TMPRSS11E: variants seen among roughly 807,000 people sequenced by gnomAD.
TMPRSS11E encodes transmembrane protease serine 11E.
Under a neutral mutation model 48.1 loss-of-function variants are expected in TMPRSS11E, and 38 were observed. The observed-to-expected ratio is 0.79, with a 90% CI of 0.61 to 1.04. The LOEUF (loss-of-function observed/expected upper bound fraction) is 1.04. TMPRSS11E is among the 50% of genes least tolerant of loss of function. The probability of loss-of-function intolerance (pLI) is 0.00; values close to 1 mark genes in which losing one functional copy is unlikely to be tolerated. For synonymous variants in TMPRSS11E, 158 were observed against 171.9 expected, an observed-to-expected ratio of 0.92 and a Z score of 0.63; for missense variants, 530 against 510.8, an observed-to-expected ratio of 1.04 and a Z score of -0.36.
intron 9 of TMPRSS11E, among the ~76,000 whole-genome samples, chr4:68,480,323 A>G (rs1018883441): frequency 2.0e-5 from 3 of 150,402 alleles, no homozygotes; most frequent in African/African-American, 7.3e-5. Flanking sequence ...TTTTTTTTGC[A>G]CTCTAGTTTC....
chr4:68,456,447 T>C (rs568833285), intron 1 of TMPRSS11E, among the ~76,000 whole-genome samples: 43 of 152,126 alleles, frequency 2.8e-4, no homozygotes, highest in Middle Eastern at 6.8e-3. Flanking sequence ...AATTTGCTTG[T>C]ATTTCTTCTT....
At chr4:68,476,178 T>C (rs1279626125) in intron 6 of TMPRSS11E, 83 bp from the exon 7 acceptor site, 1 of 1,563,770 alleles carries the variant, frequency 6.4e-7, no homozygotes, top group Non-Finnish European at 8.8e-7. Flanking sequence ...AGAAGAAATA[T>C]GGGACATAGT....
chr4:68,479,785 C>T (rs539910131), intron 9 of TMPRSS11E, among the ~76,000 whole-genome samples: 73 of 152,012 alleles, frequency 4.8e-4, no homozygotes, highest in African/African-American at 1.7e-3. Flanking sequence ...TTCTTCTTTC[C>T]TCTTTCCTGA....
At position 68,471,470 on chromosome 4, in the gene TMPRSS11E, C is replaced by A; in HGVS notation, c.337C>A (p.His113Asn). Residue 113 changes from histidine to asparagine, a missense_variant, in exon 5 of 10, where the codon CAT becomes AAT. Transcript: ENST00000305363. The stretch of plus-strand genomic sequence containing the variant: ...TTTTTTGGCCCACAGTCAACAGAAG[C>A]ATGGAGTGTTGGCTCATATGCTGTT... ...SQVIKFSQQK[H>N]GVLAHMLLIC... is the part of the protein sequence containing the mutation. The A allele has an allele frequency of 7.2e-7, 1 of 1,384,442 alleles. No homozygotes were observed. The highest frequency in any genetic ancestry group is 1.3e-5 in the South Asian group (1 of 77,238). 85.8% of individuals were successfully genotyped at this position (1,384,442 alleles called of 1,614,324 possible).
intron 2 of TMPRSS11E, among the ~76,000 whole-genome samples, chr4:68,464,504 T>C (rs1174456784): frequency 6.6e-6 from 1 of 152,202 alleles, no homozygotes; most frequent in African/African-American, 2.4e-5. Flanking sequence ...AACTCATGTT[T>C]ATCCTTATTT....
At position 68,475,376 on chromosome 4, in the gene TMPRSS11E, TA is replaced by T. The variant is rs1343718405; in HGVS notation, c.529+616del. 2.6e-5 allele frequency among the ~76,000 whole-genome samples: 4 copies of T among 152,132 alleles called. 1 individual carries two copies. In the South Asian group the frequency reaches 8.3e-4, roughly 32 times the overall value. ...TGATTTACAGTATACATTCAATAGT[TA>T]TGGGGTTGTTGCACATTACATTTCT... On this transcript the variant is annotated intron_variant, in intron 6 of 9. Coordinates refer to ENST00000305363, the MANE Select transcript of TMPRSS11E (RefSeq NM_014058.4).
Position 68,496,654 on chromosome 4 carries a change from A to C in TMPRSS11E, c.1122A>C (p.Gly374=), listed in dbSNP as rs1447932561. 1.1e-5 allele frequency: 18 copies of C among 1,612,062 alleles called. No homozygotes were observed. Among genetic ancestry groups the C allele is most frequent in the Non-Finnish European group, 1.5e-5 (18 of 1,179,130 alleles). ...GKTDACQGDS[G]GPLVSSDARD... is the part of the protein sequence containing the mutation. The stretch of plus-strand genomic sequence containing the variant: ...GTCTTCTCCTTTAGGGTGACTCTGG[A>C]GGACCACTGGTTAGTTCAGATGCTA... Residue 374 remains glycine (G), a synonymous_variant, in exon 10 of 10, where the codon GGA becomes GGC. Transcript: ENST00000305363.
intron 9 of TMPRSS11E, among the ~76,000 whole-genome samples, chr4:68,483,528 A>G (rs898274321): frequency 2.0e-5 from 3 of 152,202 alleles, no homozygotes; most frequent in Non-Finnish European, 4.4e-5. Flanking sequence ...GATTCTGGAT[A>G]TTAGACCTTT....
chr4:68,480,362 A>G (rs1729369338), intron 9 of TMPRSS11E, among the ~76,000 whole-genome samples: 1 of 151,932 alleles, frequency 6.6e-6, no homozygotes, highest in Non-Finnish European at 1.5e-5. Flanking sequence ...GGTAATTTCA[A>G]TGTATCTTCA....
At chr4:68,448,050 C>A (rs1444325752) in intron 1 of TMPRSS11E, among the ~76,000 whole-genome samples, 1 of 151,842 alleles carries the variant, frequency 6.6e-6, no homozygotes, top group Non-Finnish European at 1.5e-5. Context: ...AAAAATAAAT[C>A]CACTGATATG....
intron 9 of TMPRSS11E, among the ~76,000 whole-genome samples, chr4:68,492,681 A>G (rs1018078898): frequency 7.9e-5 from 12 of 152,200 alleles, no homozygotes; most frequent in Non-Finnish European, 1.8e-4. Flanking sequence ...ACGTCTTTAA[A>G]CAGAAACACA....
At chr4:68,462,608 G>T (rs1019638075) in intron 2 of TMPRSS11E, among the ~76,000 whole-genome samples, 8 of 150,924 alleles carry the variant, frequency 5.3e-5, no homozygotes, top group African/African-American at 1.7e-4. Flanking sequence ...AATCCAACTC[G>T]TTGAAGTCCT....
intron 3 of TMPRSS11E, among the ~76,000 whole-genome samples, chr4:68,468,121 G>A (rs762166243): frequency 2.6e-5 from 4 of 151,922 alleles, no homozygotes; most frequent in South Asian, 2.1e-4. Flanking sequence ...AAAAAAATTC[G>A]GAATTAATAA....
At chr4:68,478,451 C>CTTTTTTTTTTTTTT (rs377068765) in intron 8 of TMPRSS11E, among the ~76,000 whole-genome samples, 1 of 73,616 alleles carries the variant, frequency 1.4e-5, no homozygotes, top group African/African-American at 5.4e-5. Context: ...GTATCCCCCG[C>CTTTTTTTTTTTTTT]TTTTTTTTTT....
intron 5 of TMPRSS11E, among the ~76,000 whole-genome samples, chr4:68,473,665 G>C (rs544474377): frequency 6.6e-6 from 1 of 152,032 alleles, no homozygotes; most frequent in Non-Finnish European, 1.5e-5. Flanking sequence ...CAAGCACAAG[G>C]CCATTGTGAG....
chr4:68,468,693 A>AGCGTT (rs1346366879), intron 3 of TMPRSS11E, among the ~76,000 whole-genome samples, 186 bp from the exon 4 acceptor site: 3 of 152,028 alleles, frequency 2.0e-5, no homozygotes, highest in Non-Finnish European at 4.4e-5. Flanking sequence ...TTCCTAAGAC[A>AGCGTT]GCGTTCAGTT....
chr4:68,447,590 A>G, intron 1 of TMPRSS11E, 67 bp downstream of exon 1: 1 of 1,320,302 alleles, frequency 7.6e-7, no homozygotes. Flanking sequence ...AGTATGAGCC[A>G]CACCAAGGAA....
chr4:68,489,415 G>A (rs530413331), intron 9 of TMPRSS11E, among the ~76,000 whole-genome samples: 92 of 152,294 alleles, frequency 6.0e-4, no homozygotes, highest in Admixed American at 1.4e-3. Flanking sequence ...GGGTGGCAGT[G>A]GGTCAGTGAG....
chr4:68,472,384 C>T (rs1729097964), intron 5 of TMPRSS11E, among the ~76,000 whole-genome samples: 1 of 151,558 alleles, frequency 6.6e-6, no homozygotes, highest in Non-Finnish European at 1.5e-5. Flanking sequence ...CCCAATATGT[C>T]CAAAGTATTA....
Sources: allele counts gnomAD v4.1 joint callset (sites outside exome capture counted in the v4.1 genomes callset), GRCh38; gene constraint gnomAD v4.1.1; transcripts MANE v1.5; gene names NCBI Gene and HGNC (gene_info 2026-07-23, HGNC 2026-07-21).